HDAC4: variants seen among roughly 807,000 people sequenced by gnomAD.
HDAC4 encodes the protein histone deacetylase 4, also known as histone deacetylase A.
In HDAC4, 16 loss-of-function variants were observed where a neutral mutation model predicts 135.1. The ratio of observed to expected loss-of-function variants is 0.12; its 90% confidence interval spans 0.08 to 0.18. The LOEUF is 0.18. Ranked by LOEUF, HDAC4 falls within the 10% of genes least tolerant of loss-of-function variation. HDAC4 has a pLI of 1.00. For missense variants in HDAC4, 1,143 were observed against 1,511.8 expected (o/e 0.76, Z 4.05); for synonymous variants, 685 against 653.4 (o/e 1.05, Z -0.74).
At chr2:239,106,295 C>T (rs1247378751) in intron 15 of HDAC4, among the ~76,000 whole-genome samples, 1 of 152,168 alleles carries the variant, frequency 6.6e-6, no homozygotes, top group African/African-American at 2.4e-5. Context: ...CTGAGAGACC[C>T]TCTCCCAATC....
intron 2 of HDAC4, among the ~76,000 whole-genome samples, chr2:239,336,221 T>C (rs767599527): frequency 6.6e-6 from 1 of 152,106 alleles, no homozygotes; most frequent in Non-Finnish European, 1.5e-5. Context: ...AGAGTGAGGG[T>C]ACAGTAACTG....
intron 1 of HDAC4, among the ~76,000 whole-genome samples, chr2:239,373,820 A>G (rs1004572187): frequency 6.6e-6 from 1 of 152,150 alleles, no homozygotes; most frequent in African/African-American, 2.4e-5. Context: ...TATTCTGTCA[A>G]TTGCATCTTT....
intron 24 of HDAC4, among the ~76,000 whole-genome samples, chr2:239,059,909 C>T (rs558764348): frequency 6.6e-6 from 1 of 152,148 alleles, no homozygotes; most frequent in Non-Finnish European, 1.5e-5. Flanking sequence ...GACCTTGGAC[C>T]CACCCACCAG....
chr2:239,077,528 C>T (rs2034887509), intron 22 of HDAC4, among the ~76,000 whole-genome samples: 1 of 152,202 alleles, frequency 6.6e-6, no homozygotes, highest in Non-Finnish European at 1.5e-5. Flanking sequence ...AGGACGAGCT[C>T]TCTCAGCTCT....
At chr2:239,136,438 C>T (rs1465069705) in intron 9 of HDAC4, among the ~76,000 whole-genome samples, 4 of 152,178 alleles carry the variant, frequency 2.6e-5, no homozygotes, top group Non-Finnish European at 4.4e-5. Context: ...GTCTATTCAT[C>T]CACTGAAGGA....
At chr2:239,302,442 A>G (rs1283173148) in intron 2 of HDAC4, among the ~76,000 whole-genome samples, 1 of 152,264 alleles carries the variant, frequency 6.6e-6, no homozygotes, top group African/African-American at 2.4e-5. Context: ...AGGAATCCAG[A>G]TTAGCAAAAC....
In HDAC4 at chr2:239,308,670, G is replaced by A. The variant is rs1372533715; in HGVS notation, c.22+44008C>T. 8.7e-6 allele frequency among the ~76,000 whole-genome samples: 1 copy of A among 114,616 alleles called. No homozygotes were observed. Among genetic ancestry groups the A allele is most frequent in the Non-Finnish European group, 2.3e-5 (1 of 42,844 alleles). The allele number at this position is 114,616 out of a possible 152,430, so 75.2% of individuals were successfully genotyped here. On this transcript the variant is annotated intron_variant, in intron 2 of 26. Transcript: ENST00000543185. This position sits in a 1 kb window ranked among gnomAD's most constrained non-coding sequence, Gnocchi z 4.2. ...GGCAGAGTGTGGTTAACAGGCCTCCGGGTGTCCCCCCCTTCCAGCCCAGTG... is the reference window on the plus strand; with the variant it reads ...GGCAGAGTGTGGTTAACAGGCCTCCAGGTGTCCCCCCCTTCCAGCCCAGTG...
intron 2 of HDAC4, among the ~76,000 whole-genome samples, chr2:239,337,285 G>A (rs1386783514): frequency 1.3e-5 from 2 of 152,094 alleles, no homozygotes; most frequent in African/African-American, 4.8e-5. Flanking sequence ...TGTACTCACC[G>A]GCGAAATAAA....
At chr2:239,086,672 C>T (rs1051066200) in intron 19 of HDAC4, among the ~76,000 whole-genome samples, 6 of 152,236 alleles carry the variant, frequency 3.9e-5, no homozygotes, top group African/African-American at 7.2e-5. Context: ...CGGGCCCCTG[C>T]GGTTCTGTCT....
At chr2:239,368,364 T>C (rs1694367131) in intron 1 of HDAC4, among the ~76,000 whole-genome samples, 4 of 152,198 alleles carry the variant, frequency 2.6e-5, no homozygotes. Flanking sequence ...GAGAAGACCC[T>C]GAAATGCACC....
intron 2 of HDAC4, among the ~76,000 whole-genome samples, chr2:239,310,076 G>T (rs190221101): frequency 5.3e-5 from 8 of 152,352 alleles, no homozygotes; most frequent in Admixed American, 5.2e-4. Flanking sequence ...GGCTCTGTGC[G>T]TAGAGGTGCT....
At chr2:239,359,804 A>C (rs150116243) in intron 1 of HDAC4, among the ~76,000 whole-genome samples, 1 of 152,312 alleles carries the variant, frequency 6.6e-6, no homozygotes, top group Non-Finnish European at 1.5e-5. Flanking sequence ...GAATCTGTAG[A>C]CGAGTGGATC....
intron 24 of HDAC4, among the ~76,000 whole-genome samples, chr2:239,065,618 C>T (rs920334511): frequency 3.3e-5 from 5 of 152,168 alleles, no homozygotes; most frequent in African/African-American, 7.2e-5. Context: ...TCAGGACTGC[C>T]GGGCTGGGGA....
intron 24 of HDAC4, among the ~76,000 whole-genome samples, chr2:239,059,914 C>T (rs1437876775): frequency 6.6e-6 from 1 of 152,088 alleles, no homozygotes; most frequent in African/African-American, 2.4e-5. Flanking sequence ...TGGACCCACC[C>T]ACCAGCCTGC....
intron 3 of HDAC4, among the ~76,000 whole-genome samples, chr2:239,194,687 C>T (rs2045248745): frequency 6.6e-6 from 1 of 152,246 alleles, no homozygotes; most frequent in Non-Finnish European, 1.5e-5. Context: ...CTGCTAAAAC[C>T]TTCCATTCTG....
chr2:239,344,005 C>T (rs1002496697), intron 2 of HDAC4, among the ~76,000 whole-genome samples: 35 of 152,204 alleles, frequency 2.3e-4, no homozygotes, highest in Admixed American at 4.6e-4. Context: ...TTCTCTTAAA[C>T]GCGCAGTGGG....
Position 239,061,492 on chromosome 2 carries a change from C to T in HDAC4, c.3003+5230G>A, listed in dbSNP as rs200466279. 6.7e-4 allele frequency among the ~76,000 whole-genome samples: 99 copies of T among 148,740 alleles called. 1 individual carries two copies. The East Asian group carries it at 0.017, about 25-fold the overall frequency. ...GTGTGTGCGTGCATGAGAGGGTGCACGTGTGTGCACGTGTGACTGGTGCTT... is the reference window on the plus strand; with the variant it reads ...GTGTGTGCGTGCATGAGAGGGTGCATGTGTGTGCACGTGTGACTGGTGCTT... On this transcript the variant is annotated intron_variant, in intron 24 of 26. Transcript: ENST00000543185.
chr2:239,130,903 T>A (rs893255763), intron 11 of HDAC4, among the ~76,000 whole-genome samples: 5 of 152,108 alleles, frequency 3.3e-5, no homozygotes, highest in African/African-American at 1.2e-4. Context: ...CAGGCAACAA[T>A]CATGCCCACA....
At chr2:239,067,737 A>C (rs191574332) in intron 23 of HDAC4, among the ~76,000 whole-genome samples, 109 of 152,228 alleles carry the variant, frequency 7.2e-4, no homozygotes, top group African/African-American at 2.6e-3. Flanking sequence ...TGGGTGAGCC[A>C]CACCCTCCCC....
Sources: gnomAD v4.1 joint callset for allele counts (sites outside exome capture counted in the v4.1 genomes callset) on GRCh38, gnomAD v4.1.1 for gene constraint, Gnocchi (gnomAD v3.1) non-coding constraint, MANE v1.5 for transcripts, NCBI Gene and HGNC (gene_info 2026-07-23, HGNC 2026-07-21) for gene names.